Variants in RAPGEF4 observed in about 807,000 individuals in gnomAD.
RAPGEF4 encodes the protein Rap guanine nucleotide exchange factor 4.
In RAPGEF4, 66 loss-of-function variants were observed where a neutral mutation model predicts 147.9. The observed-to-expected ratio is 0.45, with a 90% CI of 0.37 to 0.55. The LOEUF is 0.55. Among genes scored for constraint, RAPGEF4 ranks in the 20% least tolerant of loss-of-function variants. The pLI is 0.00. For synonymous variants in RAPGEF4, 419 were observed against 442.7 expected, an observed-to-expected ratio of 0.95 and a Z score of 0.67; for missense variants, 1,071 against 1,257.3, an observed-to-expected ratio of 0.85 and a Z score of 2.24.
chr2:172,735,989 C>T lies in RAPGEF4; in HGVS notation c.6C>T (p.Val2=), dbSNP rs1693704670. The change falls in exon 1 of 31, where the codon GTC becomes GTT. Residue 2 remains valine, a synonymous_variant. Coordinates refer to ENST00000397081, the MANE Select transcript of RAPGEF4 (RefSeq NM_007023.4). M[V]AAHAAHSSSS... Reference sequence around the variant, plus strand: ...ACCGCGCGCCGCCGCTCAACATGGTCGCTGCGCACGCTGCCCATTCTTCCT... The same window carrying T: ...ACCGCGCGCCGCCGCTCAACATGGTTGCTGCGCACGCTGCCCATTCTTCCT... 6.8e-7 allele frequency: 1 copy of T among 1,474,126 alleles called. No homozygotes were observed. Among genetic ancestry groups the T allele is most frequent in the South Asian group, 1.3e-5 (1 of 78,008 alleles). 91.3% of individuals were successfully genotyped at this position (1,474,126 alleles called of 1,614,324 possible). A position where few individuals can be genotyped will look rare whatever the true frequency, so the allele number is the denominator to read the frequency against.
chr2:172,973,493 G>T (rs1333392455), intron 10 of RAPGEF4, among the ~76,000 whole-genome samples: 1 of 152,166 alleles, frequency 6.6e-6, no homozygotes, highest in Non-Finnish European at 1.5e-5. Flanking sequence ...TAGCCAGATA[G>T]GGGCACAGGT....
intron 1 of RAPGEF4, among the ~76,000 whole-genome samples, chr2:172,761,829 A>AT (rs34980526): frequency 0.014 from 2,164 of 152,294 alleles, 50 homozygotes; most frequent in African/African-American, 0.049. Flanking sequence ...CCTTAAAAAA[A>AT]CATGCTGCTT....
At chr2:173,014,412 G>A in intron 17 of RAPGEF4, 52 bp from the exon 18 acceptor site, 1 of 1,607,200 alleles carries the variant, frequency 6.2e-7, no homozygotes. Flanking sequence ...TTTGAAAGTA[G>A]CATGTGAAAT....
At chr2:172,857,135 C>A (rs1378677833) in intron 4 of RAPGEF4, among the ~76,000 whole-genome samples, 3 of 152,114 alleles carry the variant, frequency 2.0e-5, no homozygotes, top group Non-Finnish European at 4.4e-5. Context: ...TCTATTATCC[C>A]ACTTTACAGG....
intron 10 of RAPGEF4, among the ~76,000 whole-genome samples, chr2:172,977,970 C>T (rs1867940): frequency 0.88 from 132,947 of 151,816 alleles, 59,262 homozygotes; most frequent in East Asian, 1. Context: ...TTTGTTCTTG[C>T]TGTGCTTCTC....
At chr2:172,803,189 G>A (rs1687148081) in intron 3 of RAPGEF4, among the ~76,000 whole-genome samples, 1 of 152,178 alleles carries the variant, frequency 6.6e-6, no homozygotes, top group South Asian at 2.1e-4. Context: ...CTCTGTGTGG[G>A]GGCTCTGACC....
At chr2:172,833,217 A>AG (rs1690556463) in intron 4 of RAPGEF4, among the ~76,000 whole-genome samples, 1 of 150,978 alleles carries the variant, frequency 6.6e-6, no homozygotes, top group Non-Finnish European at 1.5e-5. Context: ...AAAAAAAAAA[A>AG]AATCCAAAAA....
At chr2:172,871,992 T>A (rs1695299387) in intron 4 of RAPGEF4, among the ~76,000 whole-genome samples, 1 of 152,174 alleles carries the variant, frequency 6.6e-6, no homozygotes, top group Non-Finnish European at 1.5e-5. Flanking sequence ...ATCCTTCCCA[T>A]GATGTATCAT....
At chr2:172,980,796 T>C (rs1045919597) in intron 10 of RAPGEF4, among the ~76,000 whole-genome samples, 1 of 152,156 alleles carries the variant, frequency 6.6e-6, no homozygotes, top group Non-Finnish European at 1.5e-5. Context: ...TATGTTGAGA[T>C]TTGTAGATCC....
intron 29 of RAPGEF4, among the ~76,000 whole-genome samples, chr2:173,038,187 G>T (rs1684294003): frequency 6.6e-6 from 1 of 152,116 alleles, no homozygotes; most frequent in Non-Finnish European, 1.5e-5. Flanking sequence ...TTACTCCTGT[G>T]TCAATTTAAT....
At chr2:172,831,277 T>TTTTTTTTTTTTC (rs1690298202) in intron 4 of RAPGEF4, among the ~76,000 whole-genome samples, 1 of 127,200 alleles carries the variant, frequency 7.9e-6, no homozygotes, top group Non-Finnish European at 1.7e-5. Context: ...TTTTTTTTTT[T>TTTTTTTTTTTTC]TTTTTTTTGA....
intron 10 of RAPGEF4, among the ~76,000 whole-genome samples, chr2:172,978,817 C>T (rs979869906): frequency 2.6e-5 from 4 of 152,200 alleles, no homozygotes; most frequent in African/African-American, 7.2e-5. Flanking sequence ...GATAGTTCAT[C>T]GTTTGTGGTG....
At position 173,051,759 on chromosome 2, in the gene RAPGEF4, C is replaced by A. The variant is rs761012829; in HGVS notation, c.3028C>A (p.Arg1010=). The A allele has an allele frequency of 6.2e-7, 1 of 1,613,488 alleles. No homozygotes were observed. The highest frequency in any genetic ancestry group is 1.1e-5 in the South Asian group (1 of 90,932). Reference sequence around the variant, plus strand: ...GATGTCACACAGATTAGAGCCTCGTCGACCATAGACATTTCAAATGCCCAA... The same window carrying A: ...GATGTCACACAGATTAGAGCCTCGTAGACCATAGACATTTCAAATGCCCAA... The part of the protein sequence containing the change: ...SQMSHRLEPR[R]P The change falls in exon 31 of 31, where the codon CGA becomes AGA. Residue 1010 remains arginine, a synonymous_variant. Coordinates refer to ENST00000397081, the MANE Select transcript of RAPGEF4 (RefSeq NM_007023.4).
chr2:172,927,670 A>C (rs1030310065), intron 6 of RAPGEF4, among the ~76,000 whole-genome samples: 6 of 152,160 alleles, frequency 3.9e-5, no homozygotes, highest in African/African-American at 1.4e-4. Flanking sequence ...ATCAGAGATA[A>C]TTCCATAAGG....
At chr2:172,743,778 T>C (rs778921630) in intron 1 of RAPGEF4, among the ~76,000 whole-genome samples, 2 of 152,074 alleles carry the variant, frequency 1.3e-5, no homozygotes, top group Non-Finnish European at 2.9e-5. Context: ...CTGCCTGGAG[T>C]TACTACCCGA....
intron 10 of RAPGEF4, among the ~76,000 whole-genome samples, chr2:172,982,087 A>G (rs1691739077): frequency 6.6e-6 from 1 of 152,198 alleles, no homozygotes; most frequent in Non-Finnish European, 1.5e-5. Context: ...TAAGACTTTG[A>G]TGTCACATGG....
chr2:172,931,679 G>A (rs1685994712), intron 6 of RAPGEF4, among the ~76,000 whole-genome samples: 1 of 152,182 alleles, frequency 6.6e-6, no homozygotes, highest in Admixed American at 6.5e-5. Flanking sequence ...GGAACACAAA[G>A]ATAAGCTGGA....
At chr2:172,752,941 A>G (rs16860845) in intron 1 of RAPGEF4, among the ~76,000 whole-genome samples, 2,878 of 152,302 alleles carry the variant, frequency 0.019, 99 homozygotes, top group African/African-American at 0.066. Context: ...TTCACTGGAT[A>G]TTTATCTTAA....
intron 6 of RAPGEF4, among the ~76,000 whole-genome samples, chr2:172,931,970 G>A (rs985441632): frequency 6.7e-6 from 1 of 150,244 alleles, no homozygotes; most frequent in Admixed American, 6.7e-5. Context: ...CACACCCCTT[G>A]ACTCCCATGC....
Sources: gnomAD v4.1 joint callset for allele counts (sites outside exome capture counted in the v4.1 genomes callset) on GRCh38, gnomAD v4.1.1 for gene constraint, MANE v1.5 for transcripts, NCBI Gene and HGNC (gene_info 2026-07-23, HGNC 2026-07-21) for gene names.